HMCN1: variants seen among roughly 807,000 people sequenced by gnomAD.
HMCN1 encodes the protein hemicentin-1.
A neutral mutation model predicts 625.9 loss-of-function variants in HMCN1; 321 were observed. The observed-to-expected ratio is 0.51, with a 90% confidence interval of 0.47 to 0.56. The LOEUF (loss-of-function observed/expected upper bound fraction) is 0.56, where lower values mean the gene tolerates loss of function less well. HMCN1 is among the 20% of genes least tolerant of loss of function. The pLI, the probability that HMCN1 is intolerant of heterozygous loss-of-function variation, is 0.00. For missense variants in HMCN1, 6,588 were observed against 6,887.3 expected (o/e 0.96, Z 1.54); for synonymous variants, 2,425 against 2,417.6 (o/e 1.00, Z -0.09).
chr1:186,025,970 AATG>A (rs1298777041), intron 36 of HMCN1, among the ~76,000 whole-genome samples: 4 of 152,216 alleles, frequency 2.6e-5, no homozygotes, highest in Admixed American at 2.6e-4. Context: ...AGGGAGAATA[AATG>A]ATGAAGTGCA....
chr1:186,016,061 C>T lies in HMCN1; in HGVS notation c.5013C>T (p.Pro1671=). The T allele has an allele frequency of 6.2e-7, 1 of 1,613,536 alleles. No individual in the cohort carries two copies. Among genetic ancestry groups the T allele is most frequent in the East Asian group, 2.2e-5 (1 of 44,816 alleles). Residue 1671 remains proline, a synonymous_variant, in exon 32 of 107, where the codon CCC becomes CCT. Coordinates refer to ENST00000271588, the MANE Select transcript of HMCN1 (RefSeq NM_031935.3). ...LECKAAGNPS[P]ILTWLKDGVP... Reference sequence around the variant, plus strand: ...GCAAAGCTGCTGGAAACCCTTCTCCCATTCTCACCTGGTTGAAAGATGGTG... The same window carrying T: ...GCAAAGCTGCTGGAAACCCTTCTCCTATTCTCACCTGGTTGAAAGATGGTG...
intron 105 of HMCN1, 35 bp from the exon 106 acceptor site, chr1:186,187,848 C>G (rs757297062): frequency 6.2e-7 from 1 of 1,613,312 alleles, no homozygotes; most frequent in African/African-American, 1.3e-5. Context: ...CTCACCCTCA[C>G]TGCTGATGCT....
chr1:185,829,816 T>A (rs1343265186), intron 1 of HMCN1, among the ~76,000 whole-genome samples: 1 of 152,220 alleles, frequency 6.6e-6, no homozygotes, highest in Non-Finnish European at 1.5e-5. Flanking sequence ...TCTAGATCCT[T>A]GAAGAATCAC....
intron 36 of HMCN1, among the ~76,000 whole-genome samples, chr1:186,036,637 C>T (rs1655844590): frequency 6.6e-6 from 1 of 151,302 alleles, no homozygotes; most frequent in Non-Finnish European, 1.5e-5. Context: ...GTTGCCCAGG[C>T]TGGAGTGCAA....
At chr1:185,900,102 C>T (rs1156401145) in intron 4 of HMCN1, among the ~76,000 whole-genome samples, 5 of 151,872 alleles carry the variant, frequency 3.3e-5, no homozygotes, top group Non-Finnish European at 7.4e-5. Context: ...CAAACTCTCC[C>T]TTTTCCAGGC....
At position 185,986,856 on chromosome 1, in the gene HMCN1, A is replaced by T. The variant is rs1652029115; in HGVS notation, c.2936-576A>T. The stretch of plus-strand genomic sequence containing the variant: ...AAAAAAAAAAAAAATTAATTAATTA[A>T]TTAAATAAATTAAATAAAATAAAAA... On this transcript the variant is annotated intron_variant, in intron 19 of 106. Transcript: ENST00000271588. Among the ~76,000 whole-genome samples the T allele has an allele frequency of 2.0e-5, 3 of 149,732 alleles. No individual in the cohort carries two copies. The South Asian group carries it at 6.2e-4, about 31-fold the overall frequency.
At position 186,125,645 on chromosome 1, in the gene HMCN1, A is replaced by C. The variant is rs777592856; in HGVS notation, c.12541A>C (p.Asn4181His). The change falls in exon 82 of 107, where the codon AAT becomes CAT. Residue 4181 changes from asparagine (N) to histidine (H), a missense_variant. Asn to His is a moderately conservative substitution (Grantham distance 68, BLOSUM62 1). Transcript: ENST00000271588. ...IRSTEGHYTV[N>H]ENSQAILPCV... is the part of the protein sequence containing the mutation. ...AAGTACAGAAGGACACTACACGGTC[A>C]ATGAGAATTCACAAGCCATTCTTCC... The C allele has an allele frequency of 4.3e-6, 7 of 1,613,414 alleles. No individual in the cohort carries two copies. In the Admixed American group the frequency reaches 1.2e-4, roughly 27 times the overall value.
chr1:186,180,104 G>A (rs894278563), intron 104 of HMCN1, among the ~76,000 whole-genome samples: 8 of 152,036 alleles, frequency 5.3e-5, no homozygotes, highest in Non-Finnish European at 5.9e-5. Context: ...TTTGTCCCAC[G>A]TGGTCAAATA....
intron 105 of HMCN1, among the ~76,000 whole-genome samples, chr1:186,186,108 C>T (rs1310484602): frequency 6.6e-6 from 1 of 152,086 alleles, no homozygotes; most frequent in Non-Finnish European, 1.5e-5. Flanking sequence ...ATTTAACTCT[C>T]TCGGTTAAGG....
At chr1:185,870,573 T>G (rs1284357060) in intron 4 of HMCN1, among the ~76,000 whole-genome samples, 2 of 152,136 alleles carry the variant, frequency 1.3e-5, no homozygotes, top group African/African-American at 4.8e-5. Context: ...TTTAAATTTT[T>G]GTGGGTGCAT....
intron 1 of HMCN1, among the ~76,000 whole-genome samples, chr1:185,842,730 TA>T (rs35326717): frequency 0.018 from 2,593 of 141,340 alleles, 69 homozygotes; most frequent in African/African-American, 0.058. Context: ...GAGCCTGTCT[TA>T]AAAAAAAAAA....
intron 33 of HMCN1, 80 bp from the exon 34 acceptor site, chr1:186,018,103 A>G (rs1427851771): frequency 1.6e-6 from 2 of 1,249,830 alleles, no homozygotes; most frequent in Non-Finnish European, 2.3e-6. Flanking sequence ...GGACAAATAT[A>G]CAATAGAAAC....
chr1:185,952,835 G>A (rs1017288999), intron 11 of HMCN1, among the ~76,000 whole-genome samples: 1 of 151,420 alleles, frequency 6.6e-6, no homozygotes, highest in African/African-American at 2.4e-5. Flanking sequence ...AGGGGTAGGG[G>A]TTTCTTGCCC....
intron 1 of HMCN1, among the ~76,000 whole-genome samples, chr1:185,829,824 C>A (rs950831418): frequency 2.6e-5 from 4 of 152,182 alleles, no homozygotes; most frequent in Non-Finnish European, 5.9e-5. Flanking sequence ...CTTGAAGAAT[C>A]ACCATACTGT....
intron 82 of HMCN1, among the ~76,000 whole-genome samples, chr1:186,126,762 A>T (rs1661665827): frequency 6.6e-6 from 1 of 152,212 alleles, no homozygotes; most frequent in South Asian, 2.1e-4. Context: ...AGGCCAAATC[A>T]TGTCGGGTCT....
At chr1:186,152,525 G>A (rs902085274) in intron 95 of HMCN1, among the ~76,000 whole-genome samples, 2 of 152,142 alleles carry the variant, frequency 1.3e-5, no homozygotes, top group East Asian at 1.9e-4. Flanking sequence ...TCGTGTAACC[G>A]TTTGCCACAT....
In HMCN1 at chr1:185,826,063, A is replaced by G. The variant is rs183443308; in HGVS notation, c.269-19963A>G. On this transcript the variant is annotated intron_variant, in intron 1 of 106. Coordinates refer to ENST00000271588, the MANE Select transcript of HMCN1 (RefSeq NM_031935.3). ...TGTGCTATTCATTTGTAAAATGAAG[A>G]TAATACCCAACTTGCAGGGCTATTT... Among the ~76,000 whole-genome samples, 205 of 152,310 alleles carry G rather than the reference A, an allele frequency of 1.3e-3. 2 individuals carry two copies. The highest frequency in any genetic ancestry group is 1.2e-3 in the Non-Finnish European group (85 of 68,024).
intron 4 of HMCN1, among the ~76,000 whole-genome samples, chr1:185,901,396 G>T (rs1665796728): frequency 1.3e-5 from 2 of 151,512 alleles, no homozygotes; most frequent in Admixed American, 6.6e-5. Flanking sequence ...AGAAATGAGG[G>T]GTGATGGACA....
intron 40 of HMCN1, among the ~76,000 whole-genome samples, chr1:186,044,411 A>G (rs1456485582): frequency 6.6e-6 from 1 of 152,132 alleles, no homozygotes; most frequent in East Asian, 1.9e-4. Context: ...AAAACAGTGC[A>G]TGAAAGTGCT....
Sources: gnomAD v4.1 joint callset for allele counts (sites outside exome capture counted in the v4.1 genomes callset) on GRCh38, gnomAD v4.1.1 for gene constraint, MANE v1.5 for transcripts, NCBI Gene and HGNC (gene_info 2026-07-23, HGNC 2026-07-21) for gene names.